The following RBFOX1 variants were observed in gnomAD, a reference collection of about 807,000 sequenced individuals.
RBFOX1 encodes the protein RNA binding protein fox-1 homolog 1.
Under a neutral mutation model 57.7 loss-of-function variants are expected in RBFOX1, and 8 were observed. That is an observed-to-expected ratio of 0.14 (90% CI 0.08 to 0.25). The LOEUF (loss-of-function observed/expected upper bound fraction) is 0.25. RBFOX1 is among the 10% of genes least tolerant of loss of function. The probability of loss-of-function intolerance (pLI) is 1.00; values close to 1 mark genes in which losing one functional copy is unlikely to be tolerated. For missense variants in RBFOX1, 611 were observed against 548.5 expected, an observed-to-expected ratio of 1.11 and a Z score of -1.14; for synonymous variants, 326 against 222.4, an observed-to-expected ratio of 1.47 and a Z score of -4.15.
intron 1 of RBFOX1, among the ~76,000 whole-genome samples, chr16:6,125,070 A>C (rs1017886924): frequency 3.3e-5 from 5 of 152,076 alleles, no homozygotes; most frequent in African/African-American, 1.2e-4. Flanking sequence ...TCCCCTCCTC[A>C]GAGTTCCCCA....
At chr16:5,603,844 T>C (rs569600876), downstream of RBFOX1, among the ~76,000 whole-genome samples, 2 of 152,230 alleles carry the variant, frequency 1.3e-5, no homozygotes, top group Non-Finnish European at 2.9e-5. Context: ...CTGGAGCAAA[T>C]GCATCCTGAA....
chr16:7,050,495 A>T (rs908935932), intron 3 of RBFOX1, among the ~76,000 whole-genome samples: 4 of 151,998 alleles, frequency 2.6e-5, no homozygotes, highest in African/African-American at 4.8e-5. Flanking sequence ...CGAATTCCTG[A>T]CCTCACATGA....
intron 3 of RBFOX1, among the ~76,000 whole-genome samples, chr16:6,660,987 T>G (rs2098697914): frequency 6.6e-6 from 1 of 152,092 alleles, no homozygotes; most frequent in African/African-American, 2.4e-5. Context: ...AAATAATGAA[T>G]TAATGAAGAG....
chr16:6,715,908 G>T (rs1160203504), intron 3 of RBFOX1, among the ~76,000 whole-genome samples: 1 of 152,152 alleles, frequency 6.6e-6, no homozygotes, highest in Non-Finnish European at 1.5e-5. Context: ...TACTATTACA[G>T]CCTCATACCC....
chr16:6,867,216 T>G (rs1278755427), intron 3 of RBFOX1, among the ~76,000 whole-genome samples: 1 of 152,076 alleles, frequency 6.6e-6, no homozygotes, highest in African/African-American at 2.4e-5. Context: ...ATATAAGTCT[T>G]TCTGTAGGGG....
At chr16:5,314,685 G>C (rs1377212076) in intron 1 of RBFOX1, among the ~76,000 whole-genome samples, 1 of 151,926 alleles carries the variant, frequency 6.6e-6, no homozygotes. Context: ...ATTTTTTGTA[G>C]AGACACGGTC....
intron 2 of RBFOX1, among the ~76,000 whole-genome samples, chr16:6,637,504 T>A (rs1317782574): frequency 5.6e-5 from 1 of 18,018 alleles, no homozygotes; most frequent in African/African-American, 1.0e-4. Flanking sequence ...ATATATAATA[T>A]TCTATATAGT....
chr16:6,570,151 G>A lies in RBFOX1; in HGVS notation c.-63-84452G>A, dbSNP rs547743568. 5.9e-5 allele frequency among the ~76,000 whole-genome samples: 9 copies of A among 152,190 alleles called. No homozygotes were observed. The South Asian group carries it at 1.2e-3, about 21-fold the overall frequency. On this transcript the variant is annotated intron_variant, in intron 2 of 15. Coordinates refer to ENST00000550418, the MANE Select transcript of RBFOX1 (RefSeq NM_018723.4). The stretch of plus-strand genomic sequence containing the variant: ...AATGAAATCTGACTACACTAATTTC[G>A]TTATATATTAGGAAACTTCAAGTGT...
intron 3 of RBFOX1, among the ~76,000 whole-genome samples, chr16:6,993,058 C>T (rs2091754388): frequency 2.0e-5 from 3 of 152,140 alleles, no homozygotes; most frequent in Non-Finnish European, 4.4e-5. Context: ...GGAGCCTGGT[C>T]CTCACAGTCA....
chr16:6,724,069 C>T (rs1288030873), intron 3 of RBFOX1, among the ~76,000 whole-genome samples: 1 of 152,066 alleles, frequency 6.6e-6, no homozygotes, highest in African/African-American at 2.4e-5. Context: ...AATATTTATA[C>T]CCCGGGTGAT....
At chr16:7,569,314 A>G (rs2092513299) in intron 5 of RBFOX1, among the ~76,000 whole-genome samples, 1 of 152,144 alleles carries the variant, frequency 6.6e-6, no homozygotes, top group African/African-American at 2.4e-5. Flanking sequence ...GCAGGATGAT[A>G]TTTCTATAGG....
chr16:5,556,506 G>T (rs1457132467), intron 2 of RBFOX1, among the ~76,000 whole-genome samples: 1 of 152,220 alleles, frequency 6.6e-6, no homozygotes, highest in Non-Finnish European at 1.5e-5. Flanking sequence ...AAAACTTAAA[G>T]AAATGCTCAA....
At chr16:6,835,497 A>G (rs1486362014) in intron 3 of RBFOX1, among the ~76,000 whole-genome samples, 2 of 151,984 alleles carry the variant, frequency 1.3e-5, no homozygotes, top group Admixed American at 6.6e-5. Context: ...CACGCCTGCA[A>G]TCCCAGCACT....
rs140883374 is a variant in RBFOX1, at chr16:5,597,303, C to A, written c.259-1599C>A. 1.7e-3 allele frequency among the ~76,000 whole-genome samples: 254 copies of A among 149,490 alleles called. 1 individual carries two copies. The highest frequency in any genetic ancestry group is 6.0e-3 in the African/African-American group (242 of 40,410). On this transcript the variant is annotated intron_variant, in intron 2 of 2. Transcript: ENST00000585867. Reference sequence around the variant, plus strand: ...TTTCTCTCCGTTGCTCTCCCGCCCTCTCTCTTTTGAGACAGGGTCTTGCTT... The same window carrying A: ...TTTCTCTCCGTTGCTCTCCCGCCCTATCTCTTTTGAGACAGGGTCTTGCTT...
intron 1 of RBFOX1, among the ~76,000 whole-genome samples, chr16:6,296,678 C>A (rs879739010): frequency 6.6e-6 from 1 of 152,174 alleles, no homozygotes; most frequent in African/African-American, 2.4e-5. Flanking sequence ...CCTCGGCCTC[C>A]CAAAGTGCTG....
At chr16:6,227,033 A>G (rs1033850383) in intron 1 of RBFOX1, among the ~76,000 whole-genome samples, 3 of 151,718 alleles carry the variant, frequency 2.0e-5, no homozygotes, top group Non-Finnish European at 4.4e-5. Flanking sequence ...CTGAGGCAGG[A>G]TAATCGCTTG....
intron 3 of RBFOX1, among the ~76,000 whole-genome samples, chr16:5,733,630 C>G (rs2052463259): frequency 6.6e-6 from 1 of 152,168 alleles, no homozygotes; most frequent in Admixed American, 6.5e-5. Context: ...CATGATGTTA[C>G]TCTTGTCCAC....
chr16:7,511,357 G>GA (rs1292053483), intron 4 of RBFOX1, among the ~76,000 whole-genome samples: 1 of 152,040 alleles, frequency 6.6e-6, no homozygotes, highest in Non-Finnish European at 1.5e-5. Context: ...ATGTCTTGGG[G>GA]AAAAAACAAC....
At chr16:5,968,402 A>G (rs777726710) in intron 4 of RBFOX1, among the ~76,000 whole-genome samples, 31 of 152,238 alleles carry the variant, frequency 2.0e-4, no homozygotes, top group African/African-American at 6.5e-4. Context: ...GGGACGATCA[A>G]TGAGGATTCT....
Sources: allele counts gnomAD v4.1 joint callset (sites outside exome capture counted in the v4.1 genomes callset), GRCh38; gene constraint gnomAD v4.1.1; transcripts MANE v1.5; gene names NCBI Gene and HGNC (gene_info 2026-07-23, HGNC 2026-07-21).